The following KLHL12 variants were observed in gnomAD, a reference collection of about 807,000 sequenced individuals.
The protein encoded by KLHL12 is kelch-like protein 12.
KLHL12 carries 17 observed loss-of-function variants against 60.8 expected under a neutral mutation model. That is an observed-to-expected ratio of 0.28 (90% CI 0.19 to 0.42). The LOEUF (loss-of-function observed/expected upper bound fraction) is 0.42. Ranked by LOEUF, KLHL12 falls within the 10% of genes least tolerant of loss-of-function variation. The pLI is 1.00. For missense variants in KLHL12, 468 were observed against 722.3 expected (o/e 0.65, Z 4.04); for synonymous variants, 220 against 250.9 (o/e 0.88, Z 1.16).
chr1:202,924,566 C>A (rs932918033), intron 2 of KLHL12, among the ~76,000 whole-genome samples: 1 of 151,800 alleles, frequency 6.6e-6, no homozygotes, highest in Non-Finnish European at 1.5e-5. Flanking sequence ...TCAAGACCAG[C>A]GTGGGCAACA....
rs553055521 is a variant in KLHL12, at chr1:202,918,886, C to T, written c.350-498G>A. On this transcript the variant is annotated intron_variant, in intron 3 of 11. Transcript: ENST00000367261. ...TGCAAAAGCTTCACACTGTTTAAAT[C>T]ATGTATTAAAAACTAAAAGTGTGTC... Among the ~76,000 whole-genome samples the T allele has an allele frequency of 3.3e-5, 5 of 152,208 alleles. No homozygotes were observed. In the East Asian group the frequency reaches 9.6e-4, roughly 29 times the overall value.
chr1:202,916,992 A>T (rs1660541694), intron 4 of KLHL12, among the ~76,000 whole-genome samples: 1 of 148,362 alleles, frequency 6.7e-6, no homozygotes, highest in Non-Finnish European at 1.5e-5. Context: ...AAAAAAAATT[A>T]AAGAATTGGA....
intron 2 of KLHL12, among the ~76,000 whole-genome samples, chr1:202,924,093 CT>C (rs1377472972): frequency 6.6e-6 from 1 of 152,148 alleles, no homozygotes; most frequent in African/African-American, 2.4e-5. Flanking sequence ...TTCTGTTCAG[CT>C]TTCTAAGAAT....
chr1:202,911,761 T>C (rs1392567829), intron 4 of KLHL12: 1 of 663,266 alleles, frequency 1.5e-6, no homozygotes, highest in Non-Finnish European at 2.7e-6. Context: ...CCTTTCTGCC[T>C]GTGGACGCCG....
chr1:202,925,012 G>A lies in KLHL12; in HGVS notation c.151C>T (p.Leu51=), dbSNP rs1437688245. The change falls in exon 2 of 12, where the codon CTG becomes TTG. Residue 51 remains leucine, a synonymous_variant. Transcript: ENST00000367261. ...CAGAAGTAATCACTACAGGCAGCCA[G>A]CACAATCCGATGGGCAGGGAAGTCT... is the stretch of plus-strand genomic sequence containing the variant. ...QKDFPAHRIV[L]AACSDYFCAM... is the part of the protein sequence containing the mutation. 2 of 1,614,102 alleles carry A rather than the reference G, an allele frequency of 1.2e-6. No homozygotes were observed. Among genetic ancestry groups the A allele is most frequent in the Non-Finnish European group, 1.7e-6 (2 of 1,180,054 alleles).
chr1:202,913,637 CTA>C (rs1390196180), intron 4 of KLHL12, among the ~76,000 whole-genome samples: 1 of 152,080 alleles, frequency 6.6e-6, no homozygotes, highest in African/African-American at 2.4e-5. Context: ...GGTACTGGGG[CTA>C]TGAGACAGAA....
intron 6 of KLHL12, among the ~76,000 whole-genome samples, chr1:202,901,039 G>A (rs1437337746): frequency 6.6e-6 from 1 of 152,052 alleles, no homozygotes; most frequent in East Asian, 1.9e-4. Flanking sequence ...AAGCAAGACT[G>A]TCTCAAAAAT....
chr1:202,893,658 C>T lies in KLHL12; in HGVS notation c.1394-233G>A, dbSNP rs1248750292. Reference sequence around the variant, plus strand: ...ATAATAAAAATGGTTCTCTTCTTTACTTTCATTAACTCAGAGCCCAACCCT... The same window carrying T: ...ATAATAAAAATGGTTCTCTTCTTTATTTTCATTAACTCAGAGCCCAACCCT... On this transcript the variant is annotated intron_variant, in intron 10 of 11. Coordinates refer to ENST00000367261, the MANE Select transcript of KLHL12 (RefSeq NM_021633.4). This position sits in a 1 kb window ranked among gnomAD's most constrained non-coding sequence, Gnocchi z 4.1. Among the ~76,000 whole-genome samples, 1 of 152,146 alleles carries T rather than the reference C, an allele frequency of 6.6e-6. No homozygotes were observed. The highest frequency in any genetic ancestry group is 1.5e-5 in the Non-Finnish European group (1 of 68,020).
intron 2 of KLHL12, among the ~76,000 whole-genome samples, chr1:202,920,897 T>G (rs2102455664): frequency 6.6e-6 from 1 of 152,330 alleles, no homozygotes; most frequent in South Asian, 2.1e-4. Flanking sequence ...GTCCGTGAAC[T>G]TTTAAGATAA....
rs560769620 is a variant in KLHL12, at chr1:202,925,231, T to C, written c.-45-24A>G. On this transcript the variant is annotated intron_variant, in intron 1 of 11. Transcript: ENST00000367261. ...AACTACAAGAGGGAAAAAAAAACAA[T>C]GAGCATATTCAAAGAACTAGGGCAA... 1.7e-5 allele frequency: 27 copies of C among 1,598,306 alleles called. No homozygotes were observed. In the East Asian group the frequency reaches 5.6e-4, roughly 33 times the overall value.
chr1:202,920,369 A>ATTTTTTTTTTTTTTTTTTTT (rs951695987), intron 2 of KLHL12, among the ~76,000 whole-genome samples: 1 of 83,806 alleles, frequency 1.2e-5, no homozygotes, highest in Non-Finnish European at 2.1e-5. Flanking sequence ...ATTTTGTTGG[A>ATTTTTTTTTTTTTTTTTTTT]TTTTTTTTTT....
rs761830667 is a variant in KLHL12 at position 202,911,032 on chromosome 1, C to T, written c.717+22G>A. 3 of 1,612,298 alleles carry T rather than the reference C, an allele frequency of 1.9e-6. No homozygotes were observed. The South Asian group carries it at 3.3e-5, about 18-fold the overall frequency. ...TAAGAGTCCGTCAAGGTTTTGGATC[C>T]TGAGAGTGTTGCACTACTTACCTCA... On this transcript the variant is annotated intron_variant, in intron 5 of 11. Transcript: ENST00000367261.
At chr1:202,924,518 G>C (rs1185309424) in intron 2 of KLHL12, among the ~76,000 whole-genome samples, 1 of 152,112 alleles carries the variant, frequency 6.6e-6, no homozygotes, top group Non-Finnish European at 1.5e-5. Context: ...TGGCCACTCT[G>C]GGAGGCCAAG....
chr1:202,911,305 C>G (rs1389980876), intron 4 of KLHL12, 102 bp from the exon 5 acceptor site: 2 of 1,297,844 alleles, frequency 1.5e-6, no homozygotes, highest in Non-Finnish European at 2.2e-6. Context: ...TCCCATTGCC[C>G]ACCACCATTA....
At chr1:202,906,429 T>A (rs1571526121) in intron 6 of KLHL12, among the ~76,000 whole-genome samples, 1 of 119,020 alleles carries the variant, frequency 8.4e-6, no homozygotes, top group South Asian at 2.8e-4. Context: ...CACTCCAGCC[T>A]GGGCAACAAG....
In KLHL12 at chr1:202,893,373, A is replaced by G; in HGVS notation, c.1446T>C (p.Asp482=). ...CAACGGAAGAAAGGTGGGCTGTACC[A>G]TCAAATCCCCCCACCACATAAATAT... ...NDHIYVVGGF[D]GTAHLSSVEA... The change falls in exon 11 of 12, where the codon GAT becomes GAC. Residue 482 remains aspartate (D), a synonymous_variant. Transcript: ENST00000367261. The surrounding 1 kb of genome is among the most constrained non-coding windows in gnomAD (Gnocchi z 4.1). 6.2e-7 allele frequency: 1 copy of G among 1,614,062 alleles called. No homozygotes were observed. Among genetic ancestry groups the G allele is most frequent in the Non-Finnish European group, 8.5e-7 (1 of 1,179,942 alleles).
chr1:202,913,882 T>G (rs146558988), intron 4 of KLHL12, among the ~76,000 whole-genome samples: 31 of 152,310 alleles, frequency 2.0e-4, no homozygotes, highest in African/African-American at 7.2e-4. Flanking sequence ...AGCTTCTCAG[T>G]TGCATTAGCC....
intron 4 of KLHL12, 62 bp downstream of exon 4, chr1:202,918,109 T>TA: frequency 1.6e-6 from 2 of 1,233,060 alleles, no homozygotes; most frequent in Non-Finnish European, 2.4e-6. Context: ...AACTGCATCC[T>TA]ATTTGCAAGT....
chr1:202,921,120 C>T (rs1433838864), intron 2 of KLHL12, among the ~76,000 whole-genome samples: 1 of 151,716 alleles, frequency 6.6e-6, no homozygotes, highest in Non-Finnish European at 1.5e-5. Flanking sequence ...AAGTGTTTCT[C>T]GTGCCTCAGC....
Sources: gnomAD v4.1 joint callset for allele counts (sites outside exome capture counted in the v4.1 genomes callset) on GRCh38, gnomAD v4.1.1 for gene constraint, Gnocchi (gnomAD v3.1) non-coding constraint, MANE v1.5 for transcripts, NCBI Gene and HGNC (gene_info 2026-07-23, HGNC 2026-07-21) for gene names.